The following EQTN variants were observed in gnomAD, a reference collection of about 807,000 sequenced individuals.
EQTN encodes the protein Acrosome formation associated factor.
A neutral mutation model predicts 26.9 loss-of-function variants in EQTN; 29 were observed. The observed-to-expected ratio is 1.08, with a 90% confidence interval of 0.80 to 1.47. The LOEUF is 1.47. Ranked by LOEUF, EQTN falls within the 40% of genes most tolerant of loss-of-function variation. The probability of loss-of-function intolerance (pLI) is 0.00; values close to 1 mark genes in which losing one functional copy is unlikely to be tolerated. For synonymous variants in EQTN, 129 were observed against 120.0 expected (o/e 1.07, Z -0.49); for missense variants, 391 against 346.1 (o/e 1.13, Z -1.03).
intron 3 of EQTN, 105 bp downstream of exon 3, chr9:27,294,211 T>C: frequency 1.4e-6 from 1 of 690,628 alleles, no homozygotes; most frequent in Admixed American, 2.7e-5. Flanking sequence ...ATGTTAGTCT[T>C]ATTTAGGAAC....
chr9:27,293,885 A>G (rs893418406), intron 3 of EQTN, among the ~76,000 whole-genome samples: 1 of 152,222 alleles, frequency 6.6e-6, no homozygotes, highest in Non-Finnish European at 1.5e-5. Flanking sequence ...CTCAATATTG[A>G]CATTGCCATA....
chr9:27,284,709 G>A lies in EQTN; in HGVS notation c.*14C>T, dbSNP rs370818430. 2.5e-6 allele frequency: 4 copies of A among 1,602,988 alleles called. No homozygotes were observed. In the African/African-American group the frequency reaches 5.4e-5, roughly 22 times the overall value. ...TTCATCAATAAGATTTCTTCACCGG[G>A]TTCCTTGATTTCTTCACCGGGTAAC... On this transcript the variant is annotated 3_prime_UTR_variant, in exon 8 of 8. Transcript: ENST00000380032.
intron 5 of EQTN, among the ~76,000 whole-genome samples, chr9:27,290,487 A>G (rs1235888835): frequency 6.6e-6 from 1 of 152,268 alleles, no homozygotes; most frequent in Non-Finnish European, 1.5e-5. Context: ...TCAACTGAAT[A>G]TGGTATATAT....
intron 7 of EQTN, 26 bp downstream of exon 7, chr9:27,286,183 A>C: frequency 6.2e-7 from 1 of 1,608,082 alleles, no homozygotes; most frequent in Non-Finnish European, 8.5e-7. Flanking sequence ...ATTTGTTGTA[A>C]AGACTGCAGA....
intron 6 of EQTN, among the ~76,000 whole-genome samples, chr9:27,287,814 T>C (rs376889121): frequency 6.6e-6 from 1 of 152,222 alleles, no homozygotes; most frequent in Admixed American, 6.5e-5. Flanking sequence ...TTTCTTTTTT[T>C]GAGATGGAGT....
chr9:27,290,661 C>CAT (rs1309171403), intron 5 of EQTN, among the ~76,000 whole-genome samples: 1 of 152,150 alleles, frequency 6.6e-6, no homozygotes, highest in Non-Finnish European at 1.5e-5. Flanking sequence ...TTTATGCATG[C>CAT]ATATATTTTG....
chr9:27,294,610 A>T (rs1163229922), intron 2 of EQTN: 10 of 339,996 alleles, frequency 2.9e-5, no homozygotes, highest in African/African-American at 1.3e-4. Context: ...TAGTATCTTT[A>T]TGCCAAATGA....
At chr9:27,296,400 T>C (rs1019904389) in intron 2 of EQTN, among the ~76,000 whole-genome samples, 19 of 152,158 alleles carry the variant, frequency 1.2e-4, no homozygotes, top group African/African-American at 3.9e-4. Flanking sequence ...GTAAAAAGGA[T>C]TAATATATTC....
At chr9:27,287,016 CT>C (rs913520850) in intron 6 of EQTN, among the ~76,000 whole-genome samples, 27 of 152,174 alleles carry the variant, frequency 1.8e-4, no homozygotes, top group Non-Finnish European at 3.1e-4. Context: ...TATCAAGAGT[CT>C]TTTTTTAACT....
chr9:27,288,708 A>G (rs1429499236), intron 6 of EQTN, among the ~76,000 whole-genome samples: 1 of 152,208 alleles, frequency 6.6e-6, no homozygotes, highest in Non-Finnish European at 1.5e-5. Context: ...ACAAGAAAAC[A>G]TGGAGGAATC....
intron 4 of EQTN, 148 bp from the exon 5 acceptor site, chr9:27,291,211 T>G: frequency 1.6e-6 from 1 of 639,674 alleles, no homozygotes; most frequent in South Asian, 2.2e-5. Context: ...TGGCACTAAC[T>G]TATAGAAGTA....
intron 6 of EQTN, among the ~76,000 whole-genome samples, chr9:27,289,041 C>T (rs1820174649): frequency 6.6e-6 from 1 of 152,048 alleles, no homozygotes; most frequent in Non-Finnish European, 1.5e-5. Context: ...ATTATTGGTT[C>T]ATAAATTGTA....
Position 27,284,902 on chromosome 9 carries a change from C to A in EQTN, c.706G>T (p.Glu236Ter), listed in dbSNP as rs367764918. The part of the protein sequence containing the change: ...LATMSYFHPS[E>*]GVSDTSFSKS... ...GAAAAGGATGTATCTGAAACACCTT[C>A]TGATGGATGAAAGTAAGACATCGTG... The change falls in exon 8 of 8, where the codon GAA becomes TAA. Residue 236 changes from glutamate to a stop codon, truncating the protein, a stop_gained. Coordinates refer to ENST00000380032, the MANE Select transcript of EQTN (RefSeq NM_020641.3). LOFTEE classifies it low-confidence loss of function (END_TRUNC). The A allele has an allele frequency of 3.6e-5, 58 of 1,614,026 alleles. No homozygotes were observed. The highest frequency in any genetic ancestry group is 4.7e-5 in the Non-Finnish European group (55 of 1,180,016).
rs755115597 is a variant in EQTN, at chr9:27,296,638, G to A, written c.177C>T (p.Gly59=). The A allele has an allele frequency of 1.9e-6, 3 of 1,548,836 alleles. No individual in the cohort carries two copies. The highest frequency in any genetic ancestry group is 1.1e-5 in the South Asian group (1 of 87,968). ...ATTGTTTTATATCTTTATAATAATT[G>A]CCATTTTTCTCATTAGCAGGAGCAT... ...PNYAPANEKN[G]NYYKDIKQYV... Residue 59 remains glycine (G), a synonymous_variant, in exon 2 of 8, where the codon GGC becomes GGT. Transcript: ENST00000380032.
chr9:27,289,860 A>G (rs1423059841), intron 5 of EQTN, 129 bp from the exon 6 acceptor site: 1 of 590,532 alleles, frequency 1.7e-6, no homozygotes, highest in Non-Finnish European at 2.7e-6. Context: ...CGTGGCAGTT[A>G]TATTCTATAA....
Position 27,297,144 on chromosome 9 carries a change from A to G in EQTN, c.-89T>C. 1.2e-6 allele frequency: 1 copy of G among 838,656 alleles called. No individual in the cohort carries two copies. The highest frequency in any genetic ancestry group is 1.7e-5 in the South Asian group (1 of 58,032). The allele number at this position is 838,656 out of a possible 1,614,324, so 52.0% of individuals were successfully genotyped here. A position where few individuals can be genotyped will look rare whatever the true frequency, so the allele number is the denominator to read the frequency against. On this transcript the variant is annotated 5_prime_UTR_variant, in exon 1 of 8. Transcript: ENST00000380032. The stretch of plus-strand genomic sequence containing the variant: ...CCAGCAGGTCCTGTGTCTAACTAGG[A>G]CATTATGACATCACTGTCAGATGGG...
chr9:27,285,918 A>T (rs1820109971), intron 7 of EQTN, among the ~76,000 whole-genome samples: 1 of 152,210 alleles, frequency 6.6e-6, no homozygotes, highest in African/African-American at 2.4e-5. Context: ...ATTCAGAACA[A>T]AATATATTTG....
At position 27,294,840 on chromosome 9, in the gene EQTN, C is replaced by A. The variant is rs116499133; in HGVS notation, c.203-438G>T. ...CATATCATTTGATAACAATTAAGGT[C>A]CCTCACATATACTCAAATTTACACA... On this transcript the variant is annotated intron_variant, in intron 2 of 7. Transcript: ENST00000380032. Among the ~76,000 whole-genome samples the A allele has an allele frequency of 1.9e-3, 293 of 152,236 alleles. 2 individuals carry two copies. Among genetic ancestry groups the A allele is most frequent in the African/African-American group, 6.9e-3 (285 of 41,538 alleles).
intron 3 of EQTN, among the ~76,000 whole-genome samples, chr9:27,294,039 T>C (rs549060012): frequency 6.6e-6 from 1 of 152,300 alleles, no homozygotes; most frequent in East Asian, 1.9e-4. Context: ...AAACCATATG[T>C]ATGAGGTTTA....
Sources: gnomAD v4.1 joint callset for allele counts (sites outside exome capture counted in the v4.1 genomes callset) on GRCh38, gnomAD v4.1.1 for gene constraint, MANE v1.5 for transcripts, NCBI Gene and HGNC (gene_info 2026-07-23, HGNC 2026-07-21) for gene names.